Variants in SEMA6A observed in about 807,000 individuals in gnomAD.
SEMA6A encodes the protein semaphorin-6A.
Under a neutral mutation model 96.8 loss-of-function variants are expected in SEMA6A, and 25 were observed. The ratio of observed to expected loss-of-function variants is 0.26; its 90% confidence interval spans 0.19 to 0.36. The LOEUF is 0.36. Among genes scored for constraint, SEMA6A ranks in the 10% least tolerant of loss-of-function variants. The probability of loss-of-function intolerance (pLI) is 1.00; values close to 1 mark genes in which losing one functional copy is unlikely to be tolerated. For synonymous variants in SEMA6A, 612 were observed against 518.0 expected (o/e 1.18, Z -2.46); for missense variants, 1,363 against 1,323.1 (o/e 1.03, Z -0.47).
intron 3 of SEMA6A, among the ~76,000 whole-genome samples, chr5:116,501,768 C>A (rs1243072402): frequency 2.0e-5 from 3 of 152,064 alleles, no homozygotes; most frequent in Admixed American, 1.3e-4. Context: ...ATGCCTGTTA[C>A]AACAGCTACT....
At chr5:116,454,440 A>AT (rs1401939169) in intron 18 of SEMA6A, among the ~76,000 whole-genome samples, 1 of 152,204 alleles carries the variant, frequency 6.6e-6, no homozygotes, top group Admixed American at 6.5e-5. Context: ...CTGCAACAAA[A>AT]TTCCAGGCTC....
At position 116,467,619 on chromosome 5, in the gene SEMA6A, C is replaced by A. The variant is rs1293448778; in HGVS notation, c.1858G>T (p.Gly620Trp). 3 of 1,613,428 alleles carry A rather than the reference C, an allele frequency of 1.9e-6. No individual in the cohort carries two copies. Among genetic ancestry groups the A allele is most frequent in the African/African-American group, 1.3e-5 (1 of 74,916 alleles). Residue 620 changes from glycine to tryptophan, a missense_variant, in exon 18 of 19, where the codon GGG becomes TGG. Gly to Trp is a radical substitution (Grantham distance 184). Around this residue, in one of 2 missense-constraint regions of SEMA6A, gnomAD observed 883 missense variants for 763.6 expected, o/e 1.16. Transcript: ENST00000343348. ...TGGTGATTATGGGAAGACACTGCCCCCAAAGGGTCTGTGCTGTCAGGTGAG... is the reference window on the plus strand; with the variant it reads ...TGGTGATTATGGGAAGACACTGCCCACAAAGGGTCTGTGCTGTCAGGTGAG... The part of the protein sequence containing the change: ...LDSPDSTDPL[G>W]AVSSHNHQDK...
Position 116,539,590 on chromosome 5 carries a change from CGTGTGT to C in SEMA6A, c.-39+34589_-39+34594del, listed in dbSNP as rs138539399. Among the ~76,000 whole-genome samples, 212 of 144,946 alleles carry C rather than the reference CGTGTGT, an allele frequency of 1.5e-3. 4 individuals carry two copies. The South Asian group carries it at 0.035, about 24-fold the overall frequency. On this transcript the variant is annotated intron_variant, in intron 1 of 18. Transcript: ENST00000343348. ...TGCAATACATTTTAATAATTCTGTGCGTGTGTGTGTGTGTGTGTGTGTGTGTGTACT... is the reference window on the plus strand; with the variant it reads ...TGCAATACATTTTAATAATTCTGTGCGTGTGTGTGTGTGTGTGTGTGTACT...
rs1052485070 is a variant in SEMA6A, at chr5:116,446,464, T to C, written c.*149A>G. 3 of 640,222 alleles carry C rather than the reference T, an allele frequency of 4.7e-6. No individual in the cohort carries two copies. The highest frequency in any genetic ancestry group is 1.8e-5 in the African/African-American group (1 of 54,438). The allele number at this position is 640,222 out of a possible 1,614,324, so 39.7% of individuals were successfully genotyped here. A position where few individuals can be genotyped will look rare whatever the true frequency, so the allele number is the denominator to read the frequency against. On this transcript the variant is annotated 3_prime_UTR_variant, in exon 19 of 19. Coordinates refer to ENST00000343348, the MANE Select transcript of SEMA6A (RefSeq NM_020796.5). ...GCGGCCCAGTTTTCGTGAGTACCCC[T>C]GTGTCCCAGAGAGGAGGACCCAGCG... is the stretch of plus-strand genomic sequence containing the variant.
chr5:116,503,258 T>A (rs1015000365), intron 2 of SEMA6A, among the ~76,000 whole-genome samples: 8 of 152,134 alleles, frequency 5.3e-5, no homozygotes, highest in Non-Finnish European at 4.4e-5. Context: ...TTCACAGATT[T>A]ATGCTTCGAC....
intron 1 of SEMA6A, among the ~76,000 whole-genome samples, chr5:116,520,457 A>G (rs1758879313): frequency 6.6e-6 from 1 of 152,170 alleles, no homozygotes; most frequent in South Asian, 2.1e-4. Context: ...AATATTCATT[A>G]AATAGTGAAT....
intron 18 of SEMA6A, among the ~76,000 whole-genome samples, chr5:116,459,456 A>G (rs1368801152): frequency 6.6e-6 from 1 of 152,162 alleles, no homozygotes; most frequent in Non-Finnish European, 1.5e-5. Flanking sequence ...TGCTAAAGCC[A>G]AAACTCCTTG....
intron 12 of SEMA6A, among the ~76,000 whole-genome samples, chr5:116,479,525 A>G (rs1756643523): frequency 6.6e-6 from 1 of 152,238 alleles, no homozygotes; most frequent in African/African-American, 2.4e-5. Context: ...TTTGATGGCT[A>G]CCACAGTGGG....
intron 1 of SEMA6A, among the ~76,000 whole-genome samples, chr5:116,529,700 T>C (rs1759377962): frequency 6.6e-6 from 1 of 152,070 alleles, no homozygotes; most frequent in Admixed American, 6.6e-5. Flanking sequence ...TGTTTTATGG[T>C]TTAAAACTAG....
In SEMA6A at chr5:116,572,471, T is replaced by C. The variant is rs1761260886; in HGVS notation, c.-39+1714A>G. Among the ~76,000 whole-genome samples, 3 of 152,200 alleles carry C rather than the reference T, an allele frequency of 2.0e-5. No homozygotes were observed. The South Asian group carries it at 6.2e-4, about 32-fold the overall frequency. On this transcript the variant is annotated intron_variant, in intron 1 of 18. Transcript: ENST00000343348. Reference sequence around the variant, plus strand: ...CCGGCTGTGAAGACAGCGCCTCCAGTCTCCCATTCCTCTCCCGCTCCACGC... The same window carrying C: ...CCGGCTGTGAAGACAGCGCCTCCAGCCTCCCATTCCTCTCCCGCTCCACGC...
At chr5:116,561,528 G>T (rs889819094) in intron 1 of SEMA6A, among the ~76,000 whole-genome samples, 1 of 152,208 alleles carries the variant, frequency 6.6e-6, no homozygotes, top group African/African-American at 2.4e-5. Context: ...TTAAGACTAG[G>T]TATGGTTGAT....
Position 116,447,708 on chromosome 5 carries a change from C to T in SEMA6A, c.1998G>A (p.Ser666=), listed in dbSNP as rs1344320520. 3 of 1,613,720 alleles carry T rather than the reference C, an allele frequency of 1.9e-6. No individual in the cohort carries two copies. The highest frequency in any genetic ancestry group is 2.5e-6 in the Non-Finnish European group (3 of 1,179,840). The change falls in exon 19 of 19, where the codon TCG becomes TCA. Residue 666 remains serine, a synonymous_variant. Coordinates refer to ENST00000343348, the MANE Select transcript of SEMA6A (RefSeq NM_020796.5). ...CACAGACGCAGTAGACGGTGATGCC[C>T]GAGAAGACGGCCCCCATGACGAAAG... is the stretch of plus-strand genomic sequence containing the variant. The part of the protein sequence containing the change: ...ILAFVMGAVF[S]GITVYCVCDH...
At chr5:116,515,254 T>C (rs1245043129) in intron 1 of SEMA6A, among the ~76,000 whole-genome samples, 1 of 152,212 alleles carries the variant, frequency 6.6e-6, no homozygotes, top group African/African-American at 2.4e-5. Context: ...TGGATGGATG[T>C]TTTCCTTTAA....
At position 116,448,196 on chromosome 5, in the gene SEMA6A, A is replaced by AAAAAAAAT. The variant is rs780426357; in HGVS notation, c.1895-386_1895-385insATTTTTTT. ...AAAAAAAAAAAAAAAAAAAAAAAAAATTAGCCAGGCGCGGTGGCGGGGGCT... is the reference window on the plus strand; with the variant it reads ...AAAAAAAAAAAAAAAAAAAAAAAAAAAAAAAAATTTAGCCAGGCGCGGTGGCGGGGGCT... On this transcript the variant is annotated intron_variant, in intron 18 of 18. Transcript: ENST00000343348. Among the ~76,000 whole-genome samples the AAAAAAAAT allele has an allele frequency of 5.3e-3, 741 of 138,612 alleles. 18 individuals are homozygous for AAAAAAAAT. The highest frequency in any genetic ancestry group is 0.017 in the African/African-American group (611 of 35,588). 90.9% of individuals were successfully genotyped at this position (138,612 alleles called of 152,430 possible).
intron 1 of SEMA6A, among the ~76,000 whole-genome samples, chr5:116,524,404 G>A (rs1328613362): frequency 3.3e-5 from 5 of 152,186 alleles, no homozygotes; most frequent in Admixed American, 6.5e-5. Context: ...CTCAGCTGAA[G>A]GGAAAGTAAC....
Position 116,482,538 on chromosome 5 carries a change from C to G in SEMA6A, c.1000G>C (p.Asp334His), listed in dbSNP as rs940921090. The G allele has an allele frequency of 3.1e-6, 5 of 1,613,522 alleles. No individual in the cohort carries two copies. Among genetic ancestry groups the G allele is most frequent in the Non-Finnish European group, 3.4e-6 (4 of 1,179,702 alleles). ...GSAVCAYDML[D>H]IASVFTGRFK... ...CTCCCAGTAAAAACACTGGCAATGT[C>G]AAGCATGTCATAGGCACAGACTGCA... The change falls in exon 11 of 19, where the codon GAC (aspartate) becomes CAC (histidine). Residue 334 changes from aspartate (D) to histidine (H), a missense_variant. Physicochemically the swap from Asp to His is moderately conservative, Grantham distance 81. Transcript: ENST00000343348.
At chr5:116,486,146 GGTGA>G (rs1253521779) in intron 10 of SEMA6A, among the ~76,000 whole-genome samples, 2 of 152,172 alleles carry the variant, frequency 1.3e-5, no homozygotes, top group African/African-American at 4.8e-5. Flanking sequence ...GGCCCAACTT[GGTGA>G]GTGAGCTTGC....
rs145760108 is a variant in SEMA6A, at chr5:116,495,588, T to C, written c.343-74A>G. ...ACTGATTCTTCACTGTATGCCATGG[T>C]TGGCTGACAGTAAGGTTAAAGTGGA... On this transcript the variant is annotated intron_variant, in intron 5 of 18. Transcript: ENST00000343348. 417 of 1,115,380 alleles carry C rather than the reference T, an allele frequency of 3.7e-4. 5 individuals are homozygous for C. In the East Asian group the frequency reaches 0.011, roughly 29 times the overall value. The allele number at this position is 1,115,380 out of a possible 1,614,324, so 69.1% of individuals were successfully genotyped here.
At chr5:116,540,108 G>A (rs967486806) in intron 1 of SEMA6A, among the ~76,000 whole-genome samples, 24 of 152,160 alleles carry the variant, frequency 1.6e-4, no homozygotes, top group African/African-American at 4.8e-4. Flanking sequence ...TTATGTAAAA[G>A]ATTGATCTTT....
Sources: gnomAD v4.1 joint callset for allele counts (sites outside exome capture counted in the v4.1 genomes callset) on GRCh38, gnomAD v4.1.1 for gene constraint, gnomAD v4.1.1 regional missense constraint, MANE v1.5 for transcripts, NCBI Gene and HGNC (gene_info 2026-07-23, HGNC 2026-07-21) for gene names.